Variants in ZMYM4 observed in about 807,000 individuals in gnomAD.
ZMYM4 encodes zinc finger MYM-type protein 4.
In ZMYM4, 31 loss-of-function variants were observed where a neutral mutation model predicts 183.2. That is an observed-to-expected ratio of 0.17 (90% CI 0.13 to 0.23). The LOEUF (loss-of-function observed/expected upper bound fraction) is 0.23. Among genes scored for constraint, ZMYM4 ranks in the 10% least tolerant of loss-of-function variants. ZMYM4 has a pLI of 1.00. For synonymous variants in ZMYM4, 592 were observed against 631.2 expected (o/e 0.94, Z 0.93); for missense variants, 1,273 against 1,840.3 (o/e 0.69, Z 5.64).
intron 1 of ZMYM4, among the ~76,000 whole-genome samples, chr1:35,272,256 A>T (rs1054919226): frequency 5.9e-5 from 9 of 152,200 alleles, no homozygotes; most frequent in African/African-American, 2.2e-4. Context: ...AATTGCATTG[A>T]TGACATGGTA....
At chr1:35,363,300 T>A (rs1039538319) in intron 5 of ZMYM4, among the ~76,000 whole-genome samples, 4 of 152,296 alleles carry the variant, frequency 2.6e-5, no homozygotes, top group South Asian at 2.1e-4. Flanking sequence ...TTCATTTAGA[T>A]GTTTTTGGAC....
At chr1:35,417,372 T>C (rs1298549890) in intron 28 of ZMYM4, among the ~76,000 whole-genome samples, 1 of 152,218 alleles carries the variant, frequency 6.6e-6, no homozygotes, top group East Asian at 1.9e-4. Flanking sequence ...ATATAATGCT[T>C]GGCCTCTGCA....
chr1:35,406,855 T>G (rs1645011186), intron 25 of ZMYM4, among the ~76,000 whole-genome samples: 1 of 152,180 alleles, frequency 6.6e-6, no homozygotes, highest in South Asian at 2.1e-4. Context: ...GGCCCCACAA[T>G]GTGGATCAAC....
Position 35,269,098 on chromosome 1 carries a change from AG to A in ZMYM4, c.39+15del. On this transcript the variant is annotated intron_variant, in intron 1 of 29. Transcript: ENST00000314607. ...CCCCCGAAAGAGGGTAGGTGAGGTG[AG>A]GCAGAACTCGGGCGGCGGGGGGCGG... is the stretch of plus-strand genomic sequence containing the variant. 3.4e-5 allele frequency: 53 copies of A among 1,547,940 alleles called. No individual in the cohort carries two copies. Among genetic ancestry groups the A allele is most frequent in the Non-Finnish European group, 4.5e-5 (52 of 1,146,056 alleles).
At chr1:35,318,884 G>GTGTTTT (rs747419652) in intron 1 of ZMYM4, among the ~76,000 whole-genome samples, 7 of 152,134 alleles carry the variant, frequency 4.6e-5, no homozygotes, top group South Asian at 2.1e-4. Flanking sequence ...AACTGACACA[G>GTGTTTT]TGTTTTTGTT....
At chr1:35,305,947 C>T (rs910611074) in intron 1 of ZMYM4, among the ~76,000 whole-genome samples, 1 of 152,116 alleles carries the variant, frequency 6.6e-6, no homozygotes, top group African/African-American at 2.4e-5. Context: ...ATGTGTTACC[C>T]TCCCCACCCT....
chr1:35,278,001 A>T (rs1639956427), intron 1 of ZMYM4, among the ~76,000 whole-genome samples: 1 of 152,208 alleles, frequency 6.6e-6, no homozygotes, highest in Non-Finnish European at 1.5e-5. Context: ...GGTAGCTTAA[A>T]ACATCAGAAA....
intron 27 of ZMYM4, among the ~76,000 whole-genome samples, chr1:35,414,721 G>C (rs1288882369): frequency 6.6e-6 from 1 of 152,050 alleles, no homozygotes; most frequent in East Asian, 1.9e-4. Context: ...ATTTTTTTAA[G>C]AATTCCTATT....
chr1:35,381,765 G>A lies in ZMYM4; in HGVS notation c.1569+7G>A. ...TATCACGGCATACAAGCAGGTACAT[G>A]ACCATATTTAATCTTGATGTCTTTG... On this transcript the variant is annotated splice_region_variant and intron_variant, in intron 9 of 29. Coordinates refer to ENST00000314607, the MANE Select transcript of ZMYM4 (RefSeq NM_005095.3). The A allele has an allele frequency of 6.2e-7, 1 of 1,613,300 alleles. No homozygotes were observed. The highest frequency in any genetic ancestry group is 1.1e-5 in the South Asian group (1 of 90,898).
Position 35,386,119 on chromosome 1 carries a change from A to G in ZMYM4, c.1766A>G (p.Gln589Arg). 1 of 1,614,056 alleles carries G rather than the reference A, an allele frequency of 6.2e-7. No individual in the cohort carries two copies. The highest frequency in any genetic ancestry group is 8.5e-7 in the Non-Finnish European group (1 of 1,179,964). Reference sequence around the variant, plus strand: ...AGTTGTAAAACCTCAGCAATTCCTCAGTATCACCTAGCCATGTCAGATGGA... The same window carrying G: ...AGTTGTAAAACCTCAGCAATTCCTCGGTATCACCTAGCCATGTCAGATGGA... ...CNSCKTSAIP[Q>R]YHLAMSDGSI... The change falls in exon 11 of 30, where the codon CAG becomes CGG. Residue 589 changes from glutamine (Q) to arginine (R), a missense_variant. Transcript: ENST00000314607.
intron 2 of ZMYM4, among the ~76,000 whole-genome samples, chr1:35,335,679 G>A (rs1290510558): frequency 1.3e-5 from 2 of 152,118 alleles, no homozygotes; most frequent in Admixed American, 1.3e-4. Context: ...TGGGCCAGGC[G>A]CAGTGGCTCA....
At chr1:35,336,908 G>C (rs1558028705) in intron 2 of ZMYM4, among the ~76,000 whole-genome samples, 1 of 152,166 alleles carries the variant, frequency 6.6e-6, no homozygotes, top group Non-Finnish European at 1.5e-5. Flanking sequence ...GTGACAGCGA[G>C]TGAATTCTCA....
chr1:35,417,900 T>C (rs183856502), intron 28 of ZMYM4, among the ~76,000 whole-genome samples: 47 of 151,960 alleles, frequency 3.1e-4, no homozygotes, highest in Admixed American at 2.0e-3. Flanking sequence ...TAATCCCAGC[T>C]ACTTGGGAGG....
chr1:35,312,362 A>T (rs1053198229), intron 1 of ZMYM4, among the ~76,000 whole-genome samples: 1 of 152,148 alleles, frequency 6.6e-6, no homozygotes, highest in Non-Finnish European at 1.5e-5. Context: ...GCCATAAATA[A>T]TATACCTTTT....
intron 26 of ZMYM4, among the ~76,000 whole-genome samples, chr1:35,412,088 T>TAGTAGA (rs145101997): frequency 0.024 from 3,643 of 151,926 alleles, 68 homozygotes; most frequent in Non-Finnish European, 0.037. Context: ...AGACAGGGTT[T>TAGTAGA]CACCGTGGTC....
intron 1 of ZMYM4, among the ~76,000 whole-genome samples, chr1:35,302,200 C>CCTTTTTTT (rs1641311910): frequency 1.7e-5 from 1 of 58,556 alleles, no homozygotes; most frequent in African/African-American, 6.4e-5. Context: ...ACGGCTCTTG[C>CCTTTTTTT]TTTTTTTTTT....
intron 26 of ZMYM4, 51 bp from the exon 27 acceptor site, chr1:35,413,921 C>T: frequency 1.9e-6 from 2 of 1,075,090 alleles, no homozygotes; most frequent in Non-Finnish European, 2.7e-6. Context: ...TTTTTAAGAA[C>T]TCATGTTTTC....
chr1:35,360,498 A>T lies in ZMYM4; in HGVS notation c.608-696A>T, dbSNP rs570136707. On this transcript the variant is annotated intron_variant, in intron 3 of 29. Transcript: ENST00000314607. Reference sequence around the variant, plus strand: ...TTAAAAAGACAGCTTTTGAGTATGTACAAGTCTGTGCAAGGATATACTATA... The same window carrying T: ...TTAAAAAGACAGCTTTTGAGTATGTTCAAGTCTGTGCAAGGATATACTATA... 4.6e-5 allele frequency among the ~76,000 whole-genome samples: 7 copies of T among 152,254 alleles called. No individual in the cohort carries two copies. In the East Asian group the frequency reaches 1.2e-3, roughly 25 times the overall value.
At chr1:35,386,919 C>T (rs1352314566) in intron 11 of ZMYM4, 84 bp from the exon 12 acceptor site, 14 of 1,436,520 alleles carry the variant, frequency 9.7e-6, no homozygotes, top group Middle Eastern at 4.5e-4. Flanking sequence ...ATGCCTAGAA[C>T]GGTGCTTGGC....
Sources: allele counts gnomAD v4.1 joint callset (sites outside exome capture counted in the v4.1 genomes callset), GRCh38; gene constraint gnomAD v4.1.1; transcripts MANE v1.5; gene names NCBI Gene and HGNC (gene_info 2026-07-23, HGNC 2026-07-21).